Variants in PLCE1 observed in about 807,000 individuals in gnomAD.
PLCE1 encodes the protein 1-phosphatidylinositol 4,5-bisphosphate phosphodiesterase epsilon-1.
Under a neutral mutation model 242.8 loss-of-function variants are expected in PLCE1, and 119 were observed. That is an observed-to-expected ratio of 0.49 (90% confidence interval 0.42 to 0.57). The LOEUF (loss-of-function observed/expected upper bound fraction) is 0.57. PLCE1 is among the 20% of genes least tolerant of loss of function. The pLI is 0.00. For synonymous variants in PLCE1, 945 were observed against 1,017.4 expected, an observed-to-expected ratio of 0.93 and a Z score of 1.35; for missense variants, 2,441 against 2,788.8, an observed-to-expected ratio of 0.88 and a Z score of 2.81.
chr10:94,004,496 C>T (rs1004131207), intron 1 of PLCE1, among the ~76,000 whole-genome samples: 2 of 152,156 alleles, frequency 1.3e-5, no homozygotes, highest in African/African-American at 4.8e-5. Flanking sequence ...TTTAACTCTG[C>T]GTTTGACAGC....
At chr10:94,067,980 C>T (rs1399155414) in intron 2 of PLCE1, among the ~76,000 whole-genome samples, 1 of 152,146 alleles carries the variant, frequency 6.6e-6, no homozygotes, top group African/African-American at 2.4e-5. Flanking sequence ...AAGATAGGGG[C>T]TGAACCCCCA....
chr10:94,299,853 G>A (rs1226224118), intron 24 of PLCE1, among the ~76,000 whole-genome samples: 2 of 152,204 alleles, frequency 1.3e-5, no homozygotes, highest in South Asian at 2.1e-4. Context: ...TGCCGGTGAA[G>A]TACCATATTT....
chr10:94,038,351 A>C (rs1265632483), intron 2 of PLCE1, among the ~76,000 whole-genome samples: 1 of 152,098 alleles, frequency 6.6e-6, no homozygotes, highest in Non-Finnish European at 1.5e-5. Flanking sequence ...TGCTGGGCTT[A>C]TTTTCTGGCA....
chr10:94,282,175 G>C (rs746932927), intron 20 of PLCE1, among the ~76,000 whole-genome samples: 27 of 149,064 alleles, frequency 1.8e-4, no homozygotes, highest in Non-Finnish European at 5.9e-5. Context: ...GTTTATCTCT[G>C]TGATCTCTCA....
Position 94,178,438 on chromosome 10 carries a change from C to T in PLCE1, c.1809+6942C>T, listed in dbSNP as rs1456059434. 3.3e-5 allele frequency among the ~76,000 whole-genome samples: 5 copies of T among 152,142 alleles called. No homozygotes were observed. The East Asian group carries it at 9.6e-4, about 29-fold the overall frequency. ...CCCCTCCCCAATTCTGTGTGGTCAA[C>T]CTGAGCATTCATCAGCTAGCTTCCC... On this transcript the variant is annotated intron_variant, in intron 4 of 32. Coordinates refer to ENST00000371380, the MANE Select transcript of PLCE1 (RefSeq NM_016341.4).
intron 22 of PLCE1, among the ~76,000 whole-genome samples, chr10:94,292,850 A>G (rs11187843): frequency 1.3e-5 from 2 of 152,318 alleles, no homozygotes; most frequent in East Asian, 1.9e-4. Context: ...AGCCAGGTCT[A>G]TGTGGTTTGC....
At chr10:94,120,430 T>A (rs1590066886) in intron 2 of PLCE1, among the ~76,000 whole-genome samples, 1 of 152,102 alleles carries the variant, frequency 6.6e-6, no homozygotes, top group Non-Finnish European at 1.5e-5. Flanking sequence ...TTATGTTGGG[T>A]CCTGTCTCTG....
At chr10:94,193,835 G>A (rs1489986310) in intron 4 of PLCE1, among the ~76,000 whole-genome samples, 2 of 152,138 alleles carry the variant, frequency 1.3e-5, no homozygotes, top group East Asian at 1.9e-4. Context: ...AAACAAATTC[G>A]CTCTACTGTC....
At chr10:94,096,868 A>G (rs2045334157) in intron 2 of PLCE1, 1 of 152,224 alleles carries the variant, frequency 6.6e-6, no homozygotes, top group Non-Finnish European at 1.5e-5. Flanking sequence ...CTCCATAAGA[A>G]GGTGAGTTCT....
At chr10:94,017,955 A>T (rs2061310253) in intron 1 of PLCE1, among the ~76,000 whole-genome samples, 1 of 152,164 alleles carries the variant, frequency 6.6e-6, no homozygotes, top group African/African-American at 2.4e-5. Context: ...TTACTGAAAG[A>T]CTGTAATGTA....
chr10:94,198,528 C>G (rs2048895130), intron 4 of PLCE1, among the ~76,000 whole-genome samples: 1 of 152,180 alleles, frequency 6.6e-6, no homozygotes, highest in Admixed American at 6.5e-5. Context: ...GTAATGACCA[C>G]CACGATCAGG....
At chr10:94,288,902 G>T (rs2052552790) in intron 22 of PLCE1, among the ~76,000 whole-genome samples, 1 of 152,200 alleles carries the variant, frequency 6.6e-6, no homozygotes, top group Non-Finnish European at 1.5e-5. Flanking sequence ...AATGACAAAA[G>T]TAGAACCCTG....
chr10:94,238,524 C>T (rs1308497208), intron 7 of PLCE1, among the ~76,000 whole-genome samples: 1 of 152,180 alleles, frequency 6.6e-6, no homozygotes, highest in East Asian at 1.9e-4. Context: ...CCCTTAGCCT[C>T]TTTTTATGTC....
At chr10:94,154,043 T>G (rs913425615) in intron 3 of PLCE1, among the ~76,000 whole-genome samples, 2 of 152,158 alleles carry the variant, frequency 1.3e-5, no homozygotes, top group African/African-American at 2.4e-5. Context: ...CCAAAATAAT[T>G]TTTTTAAAGA....
intron 3 of PLCE1, among the ~76,000 whole-genome samples, chr10:94,165,967 A>G (rs1226994473): frequency 1.3e-5 from 2 of 152,000 alleles, no homozygotes; most frequent in Non-Finnish European, 2.9e-5. Context: ...TCGCCTCCCA[A>G]AGTGCTGGGA....
At position 94,031,340 on chromosome 10, in the gene PLCE1, T is replaced by C; in HGVS notation, c.294T>C (p.Ser98=). The change falls in exon 2 of 33, where the codon TCT becomes TCC. Residue 98 remains serine (S), a synonymous_variant. Transcript: ENST00000371380. Reference sequence around the variant, plus strand: ...GTTGGGAGAAAATCATGCCAGATTCTGCGAAAAACCTTAACATTAACTGCA... The same window carrying C: ...GTTGGGAGAAAATCATGCCAGATTCCGCGAAAAACCTTAACATTAACTGCA... ...EKCWEKIMPD[S]AKNLNINCNN... 2 of 1,613,932 alleles carry C rather than the reference T, an allele frequency of 1.2e-6. No homozygotes were observed. The highest frequency in any genetic ancestry group is 1.6e-4 in the Middle Eastern group (1 of 6,062).
intron 3 of PLCE1, among the ~76,000 whole-genome samples, chr10:94,147,886 C>G (rs2047162846): frequency 1.3e-5 from 2 of 152,168 alleles, no homozygotes; most frequent in Admixed American, 6.5e-5. Context: ...GGGATGAAAA[C>G]AATGAAATAA....
chr10:94,064,194 T>C (rs1246894663), intron 2 of PLCE1, among the ~76,000 whole-genome samples: 1 of 152,154 alleles, frequency 6.6e-6, no homozygotes, highest in Non-Finnish European at 1.5e-5. Context: ...AACTCAAGAG[T>C]GATCACAATG....
Position 94,132,462 on chromosome 10 carries a change from A to G in PLCE1, c.1492+3A>G, listed in dbSNP as rs752928282. On this transcript the variant is annotated splice_donor_region_variant and intron_variant, in intron 3 of 32. Transcript: ENST00000371380. ...CACTGGACGAATGATGCTGAAAGGT[A>G]ATGCCTGAAATTTCACTTTTAACTT... is the stretch of plus-strand genomic sequence containing the variant. 1.9e-6 allele frequency: 3 copies of G among 1,613,168 alleles called. No homozygotes were observed. Among genetic ancestry groups the G allele is most frequent in the Non-Finnish European group, 2.5e-6 (3 of 1,179,390 alleles).
Sources: gnomAD v4.1 joint callset for allele counts (sites outside exome capture counted in the v4.1 genomes callset) on GRCh38, gnomAD v4.1.1 for gene constraint, MANE v1.5 for transcripts, NCBI Gene and HGNC (gene_info 2026-07-23, HGNC 2026-07-21) for gene names.